Variants in KPNA5 observed in about 807,000 individuals in gnomAD.
The protein encoded by KPNA5 is importin subunit alpha-6.
Under a neutral mutation model 71.3 loss-of-function variants are expected in KPNA5, and 46 were observed. That is an observed-to-expected ratio of 0.65 (90% CI 0.51 to 0.83). KPNA5 has a LOEUF of 0.83. KPNA5 is among the 40% of genes least tolerant of loss of function. The probability of loss-of-function intolerance (pLI) is 0.00; values close to 1 mark genes in which losing one functional copy is unlikely to be tolerated. For synonymous variants in KPNA5, 207 were observed against 201.4 expected, an observed-to-expected ratio of 1.03 and a Z score of -0.24; for missense variants, 547 against 628.3, an observed-to-expected ratio of 0.87 and a Z score of 1.38.
At chr6:116,721,272 G>C (rs1459907581) in intron 8 of KPNA5, among the ~76,000 whole-genome samples, 1 of 152,126 alleles carries the variant, frequency 6.6e-6, no homozygotes, top group Non-Finnish European at 1.5e-5. Context: ...TAAGAAAAAT[G>C]TCATCACTTT....
At chr6:116,716,077 A>T in intron 7 of KPNA5, 142 bp from the exon 8 acceptor site, 1 of 629,654 alleles carries the variant, frequency 1.6e-6, no homozygotes, top group South Asian at 2.2e-5. Context: ...TTGTGAAAAC[A>T]TAATGAATTT....
At chr6:116,705,884 C>T (rs1462730296) in intron 7 of KPNA5, among the ~76,000 whole-genome samples, 5 of 152,126 alleles carry the variant, frequency 3.3e-5, no homozygotes, top group South Asian at 2.1e-4. Context: ...TTTCTAGACA[C>T]TAGTTTTCAA....
intron 1 of KPNA5, among the ~76,000 whole-genome samples, chr6:116,688,146 C>A (rs1403815990): frequency 6.6e-6 from 1 of 152,022 alleles, no homozygotes; most frequent in Non-Finnish European, 1.5e-5. Context: ...AATAGGATAC[C>A]CATGAAGCTT....
rs1424869622 is a variant in KPNA5 at position 116,736,805 on chromosome 6, C to A, written c.*4482C>A. The A allele has an allele frequency of 1.3e-5, 2 of 151,902 alleles. No homozygotes were observed. The highest frequency in any genetic ancestry group is 2.9e-5 in the Non-Finnish European group (2 of 67,934). 9.4% of individuals were successfully genotyped at this position (151,902 alleles called of 1,614,324 possible). A position where few individuals can be genotyped will look rare whatever the true frequency, so the allele number is the denominator to read the frequency against. ...TTTCATTGTTTCGTCTTCAAGTTCA[C>A]TAATCTTGTCTTCTGCTGTGTCTAA... On this transcript the variant is annotated 3_prime_UTR_variant, in exon 14 of 14. Coordinates refer to ENST00000368564, the MANE Select transcript of KPNA5 (RefSeq NM_001366306.2).
chr6:116,701,985 T>A (rs1778247541), intron 5 of KPNA5, 34 bp from the exon 6 acceptor site: 3 of 1,593,070 alleles, frequency 1.9e-6, no homozygotes, highest in Non-Finnish European at 2.6e-6. Context: ...ATTCTTTGGT[T>A]CTTTCATTTA....
In KPNA5 at chr6:116,735,883, A is replaced by G. The variant is rs1360841395; in HGVS notation, c.*3560A>G. On this transcript the variant is annotated 3_prime_UTR_variant, in exon 14 of 14. Coordinates refer to ENST00000368564, the MANE Select transcript of KPNA5 (RefSeq NM_001366306.2). Reference sequence around the variant, plus strand: ...TCAGTAGTCACAGTAATTACTAATGATTTAAACATGCCAATTAAAGTGCAG... The same window carrying G: ...TCAGTAGTCACAGTAATTACTAATGGTTTAAACATGCCAATTAAAGTGCAG... 2 of 151,888 alleles carry G rather than the reference A, an allele frequency of 1.3e-5. No homozygotes were observed. The highest frequency in any genetic ancestry group is 2.9e-5 in the Non-Finnish European group (2 of 67,836). The allele number at this position is 151,888 out of a possible 1,614,324, so 9.4% of individuals were successfully genotyped here. A position where few individuals can be genotyped will look rare whatever the true frequency, so the allele number is the denominator to read the frequency against.
chr6:116,712,122 A>G (rs1479188683), intron 7 of KPNA5, among the ~76,000 whole-genome samples: 1 of 152,104 alleles, frequency 6.6e-6, no homozygotes, highest in Non-Finnish European at 1.5e-5. Context: ...TTGTATCTTT[A>G]GTAGAGATGG....
intron 1 of KPNA5, among the ~76,000 whole-genome samples, chr6:116,685,759 T>G (rs1777557420): frequency 6.6e-6 from 1 of 152,162 alleles, no homozygotes; most frequent in South Asian, 2.1e-4. Flanking sequence ...TGTGTGCACA[T>G]GTTTTTATGG....
In KPNA5 at chr6:116,732,348, G is replaced by C; in HGVS notation, c.*25G>C. 7.3e-7 allele frequency: 1 copy of C among 1,370,836 alleles called. No individual in the cohort carries two copies. The highest frequency in any genetic ancestry group is 9.8e-7 in the Non-Finnish European group (1 of 1,024,696). The allele number at this position is 1,370,836 out of a possible 1,614,324, so 84.9% of individuals were successfully genotyped here. ...ACTTACTGGAGGAAAAAAAATTTAT[G>C]GCTAAAAAGGGTAGCTTCAGGTAAC... On this transcript the variant is annotated 3_prime_UTR_variant, in exon 14 of 14. Coordinates refer to ENST00000368564, the MANE Select transcript of KPNA5 (RefSeq NM_001366306.2).
At chr6:116,723,823 AATATTAATT>A (rs1011725632) in intron 9 of KPNA5, among the ~76,000 whole-genome samples, 1 of 152,128 alleles carries the variant, frequency 6.6e-6, no homozygotes, top group Non-Finnish European at 1.5e-5. Flanking sequence ...TTTGTTGCAA[AATATTAATT>A]ATATTAATTA....
In KPNA5 at chr6:116,713,481, A is replaced by T. The variant is rs1050916859; in HGVS notation, c.657-2738A>T. ...GGGTCACTTCTCTCTTTTTGCTTTC[A>T]AGATTCTGTCTTTGTCTTTTGATTA... On this transcript the variant is annotated intron_variant, in intron 7 of 13. Transcript: ENST00000368564. 5.3e-5 allele frequency among the ~76,000 whole-genome samples: 8 copies of T among 152,170 alleles called. No homozygotes were observed. The East Asian group carries it at 1.4e-3, about 26-fold the overall frequency.
chr6:116,721,394 C>T (rs949757266), intron 8 of KPNA5, among the ~76,000 whole-genome samples: 1 of 152,030 alleles, frequency 6.6e-6, no homozygotes, highest in African/African-American at 2.4e-5. Flanking sequence ...CTCAAGTTAT[C>T]TACCCGCCTC....
At chr6:116,707,606 A>G (rs556075330) in intron 7 of KPNA5, among the ~76,000 whole-genome samples, 1 of 152,328 alleles carries the variant, frequency 6.6e-6, no homozygotes, top group African/African-American at 2.4e-5. Flanking sequence ...TAAAAACGAG[A>G]AGGAGGGCCT....
At chr6:116,683,077 T>C (rs11757332) in intron 1 of KPNA5, among the ~76,000 whole-genome samples, 28,190 of 152,250 alleles carry the variant, frequency 0.19, 2,787 homozygotes, top group East Asian at 0.3. Flanking sequence ...AATGGTCTCA[T>C]AAGTAGCGCC....
At chr6:116,691,997 T>C in intron 2 of KPNA5, 58 bp from the exon 3 acceptor site, 1 of 1,078,698 alleles carries the variant, frequency 9.3e-7, no homozygotes, top group South Asian at 1.3e-5. Context: ...TGGAATTCTA[T>C]GGCAACTTAA....
chr6:116,685,665 A>C (rs558397213), intron 1 of KPNA5, among the ~76,000 whole-genome samples: 1 of 152,118 alleles, frequency 6.6e-6, no homozygotes, highest in African/African-American at 2.4e-5. Flanking sequence ...TATGTACCAC[A>C]TTTTCTTTAT....
At chr6:116,683,360 A>C (rs921932798) in intron 1 of KPNA5, among the ~76,000 whole-genome samples, 7 of 152,260 alleles carry the variant, frequency 4.6e-5, no homozygotes, top group African/African-American at 1.7e-4. Flanking sequence ...ATAGGTGATA[A>C]ATACTTTAAG....
chr6:116,685,756 A>C (rs2114353716), intron 1 of KPNA5, among the ~76,000 whole-genome samples: 1 of 152,234 alleles, frequency 6.6e-6, no homozygotes, highest in African/African-American at 2.4e-5. Flanking sequence ...ATTTGTGTGC[A>C]CATGTTTTTA....
In KPNA5 at chr6:116,708,758, A is replaced by G. The variant is rs576489048; in HGVS notation, c.656+3598A>G. Among the ~76,000 whole-genome samples, 39 of 152,204 alleles carry G rather than the reference A, an allele frequency of 2.6e-4. No homozygotes were observed. In the South Asian group the frequency reaches 7.9e-3, roughly 31 times the overall value. On this transcript the variant is annotated intron_variant, in intron 7 of 13. Transcript: ENST00000368564. ...TTCCTTGGTAGTGTATAGAAATACA[A>G]CTAACTGATTTTTGTGTGTTGATTA...
Sources: allele counts gnomAD v4.1 joint callset (sites outside exome capture counted in the v4.1 genomes callset), GRCh38; gene constraint gnomAD v4.1.1; transcripts MANE v1.5; gene names NCBI Gene and HGNC (gene_info 2026-07-23, HGNC 2026-07-21).